TENM3: variants seen among roughly 807,000 people sequenced by gnomAD.
The protein encoded by TENM3 is teneurin transmembrane protein 3.
In TENM3, 63 loss-of-function variants were observed where a neutral mutation model predicts 255.1. The ratio of observed to expected loss-of-function variants is 0.25; its 90% CI spans 0.20 to 0.30. The LOEUF (loss-of-function observed/expected upper bound fraction) is 0.30, where lower values mean the gene tolerates loss of function less well. Among genes scored for constraint, TENM3 ranks in the 10% least tolerant of loss-of-function variants. TENM3 has a pLI of 1.00. For missense variants in TENM3, 2,929 were observed against 3,461.1 expected, an observed-to-expected ratio of 0.85 and a Z score of 3.86; for synonymous variants, 1,306 against 1,322.3, an observed-to-expected ratio of 0.99 and a Z score of 0.27.
At chr4:182,188,806 T>C (rs1753329809) in intron 1 of TENM3, among the ~76,000 whole-genome samples, 2 of 152,170 alleles carry the variant, frequency 1.3e-5, no homozygotes, top group African/African-American at 4.8e-5. Context: ...CCAAAGCATC[T>C]GGCCCTGCCC....
At chr4:182,643,879 A>G (rs1399286242) in intron 5 of TENM3, among the ~76,000 whole-genome samples, 1 of 152,260 alleles carries the variant, frequency 6.6e-6, no homozygotes, top group Non-Finnish European at 1.5e-5. Context: ...GAGACTAAAC[A>G]AAATGGAATG....
At chr4:182,153,091 G>A (rs1223631873) in intron 1 of TENM3, among the ~76,000 whole-genome samples, 1 of 151,508 alleles carries the variant, frequency 6.6e-6, no homozygotes, top group Non-Finnish European at 1.5e-5. Flanking sequence ...CTTTATACTG[G>A]TAATATGATT....
chr4:182,189,918 A>G (rs1414941627), intron 1 of TENM3, among the ~76,000 whole-genome samples: 1 of 152,100 alleles, frequency 6.6e-6, no homozygotes, highest in Non-Finnish European at 1.5e-5. Context: ...TTGAAAATAC[A>G]ATTTTGTGGA....
the TENM3 span, among the ~76,000 whole-genome samples, chr4:181,818,663 G>A: frequency 6.7e-6 from 1 of 149,980 alleles, no homozygotes; most frequent in Admixed American, 6.7e-5. Flanking sequence ...AGGCTGGAGT[G>A]CAGTGGTGTG....
the TENM3 span, among the ~76,000 whole-genome samples, chr4:181,590,519 G>A: frequency 1.1e-3 from 160 of 152,256 alleles, 1 homozygote; most frequent in African/African-American, 3.3e-3. Flanking sequence ...AGGACAGCTA[G>A]GGGCACCATC....
chr4:181,970,986 T>C, the TENM3 span, among the ~76,000 whole-genome samples: 20 of 152,278 alleles, frequency 1.3e-4, no homozygotes, highest in Admixed American at 3.3e-4. Flanking sequence ...CTCACTCTAT[T>C]GTCCAGGCTG....
chr4:182,694,847 A>G (rs1757276260), intron 12 of TENM3, among the ~76,000 whole-genome samples: 1 of 152,204 alleles, frequency 6.6e-6, no homozygotes, highest in South Asian at 2.1e-4. Context: ...TTTTACTGAT[A>G]CAGACAAGCT....
At chr4:182,501,035 T>G (rs1736263594) in intron 3 of TENM3, among the ~76,000 whole-genome samples, 1 of 152,096 alleles carries the variant, frequency 6.6e-6, no homozygotes, top group African/African-American at 2.4e-5. Flanking sequence ...TCTTCTAACT[T>G]TTCTAGAATG....
At chr4:181,488,392 C>T in the TENM3 span, among the ~76,000 whole-genome samples, 1 of 152,144 alleles carries the variant, frequency 6.6e-6, no homozygotes, top group Admixed American at 6.5e-5. Flanking sequence ...TCTGACCCTC[C>T]TGATTTCTCA....
chr4:182,669,995 A>G (rs1385257300), intron 6 of TENM3, among the ~76,000 whole-genome samples: 2 of 152,194 alleles, frequency 1.3e-5, no homozygotes, highest in Non-Finnish European at 2.9e-5. Context: ...TTCATGACAA[A>G]TGTAGGTTCC....
At chr4:182,612,390 C>G (rs1186367112) in intron 4 of TENM3, among the ~76,000 whole-genome samples, 2 of 152,018 alleles carry the variant, frequency 1.3e-5, no homozygotes, top group East Asian at 3.9e-4. Flanking sequence ...GTGACAGCAT[C>G]ACTGTCAACT....
At chr4:181,676,898 C>A in the TENM3 span, among the ~76,000 whole-genome samples, 1 of 151,812 alleles carries the variant, frequency 6.6e-6, no homozygotes, top group Non-Finnish European at 1.5e-5. Flanking sequence ...TAGAGATCTT[C>A]ATTCATGACC....
intron 3 of TENM3, among the ~76,000 whole-genome samples, chr4:182,481,986 G>A (rs1734245710): frequency 6.6e-6 from 1 of 152,126 alleles, no homozygotes; most frequent in South Asian, 2.1e-4. Flanking sequence ...TCTCTAGACA[G>A]TGCACAACAC....
chr4:182,663,139 A>T (rs1425882540), intron 6 of TENM3, among the ~76,000 whole-genome samples: 2 of 152,194 alleles, frequency 1.3e-5, no homozygotes, highest in Non-Finnish European at 2.9e-5. Flanking sequence ...ATTCAGAATA[A>T]ATTCATTCTA....
chr4:182,397,845 C>T (rs1768952813), intron 3 of TENM3, among the ~76,000 whole-genome samples: 1 of 152,156 alleles, frequency 6.6e-6, no homozygotes, highest in Admixed American at 6.5e-5. Flanking sequence ...GGGGACCATA[C>T]TATGAGGACC....
intron 3 of TENM3, among the ~76,000 whole-genome samples, chr4:182,520,098 T>C (rs918607916): frequency 6.6e-6 from 1 of 152,082 alleles, no homozygotes; most frequent in Non-Finnish European, 1.5e-5. Flanking sequence ...TTAGAGATAA[T>C]TTTTTAAAAA....
the TENM3 span, among the ~76,000 whole-genome samples, chr4:181,992,956 T>C: frequency 6.6e-6 from 1 of 152,144 alleles, no homozygotes; most frequent in South Asian, 2.1e-4. Context: ...TATAAATTAG[T>C]ACTACTGTCA....
chr4:182,150,694 C>T (rs1750279950), intron 1 of TENM3, among the ~76,000 whole-genome samples: 1 of 152,006 alleles, frequency 6.6e-6, no homozygotes, highest in African/African-American at 2.4e-5. Context: ...GGCCACTTAC[C>T]TTTAAAGATA....
the TENM3 span, among the ~76,000 whole-genome samples, chr4:181,726,397 T>C: frequency 6.6e-6 from 1 of 152,172 alleles, no homozygotes; most frequent in African/African-American, 2.4e-5. Context: ...ATACGCTTTA[T>C]ACTAACACTC....
Sources: allele counts gnomAD v4.1 joint callset (sites outside exome capture counted in the v4.1 genomes callset), GRCh38; gene constraint gnomAD v4.1.1; transcripts MANE v1.5; gene names NCBI Gene and HGNC (gene_info 2026-07-23, HGNC 2026-07-21).